TMCC1: variants seen among roughly 807,000 people sequenced by gnomAD.
TMCC1 encodes transmembrane and coiled-coil domains protein 1.
In TMCC1, 15 loss-of-function variants were observed where a neutral mutation model predicts 52.4. That is an observed-to-expected ratio of 0.29 (90% CI 0.19 to 0.44). The LOEUF (loss-of-function observed/expected upper bound fraction) is 0.44, where lower values mean the gene tolerates loss of function less well. TMCC1 is among the 20% of genes least tolerant of loss of function. The pLI is 1.00. For synonymous variants in TMCC1, 279 were observed against 301.9 expected (o/e 0.92, Z 0.79); for missense variants, 503 against 806.0 (o/e 0.62, Z 4.55).
At chr3:129,803,357 A>T (rs1018487922) in intron 4 of TMCC1, among the ~76,000 whole-genome samples, 1 of 152,198 alleles carries the variant, frequency 6.6e-6, no homozygotes, top group Non-Finnish European at 1.5e-5. Flanking sequence ...GGAGGGTAGA[A>T]GGAAAGGAAG....
intron 4 of TMCC1, among the ~76,000 whole-genome samples, chr3:129,726,626 C>G (rs2050106444): frequency 6.6e-6 from 1 of 151,830 alleles, no homozygotes; most frequent in Non-Finnish European, 1.5e-5. Flanking sequence ...CACCTGTAAT[C>G]CCAGCACTTT....
At chr3:129,728,884 GATGCATGTATCAT>G (rs1290912442) in intron 4 of TMCC1, among the ~76,000 whole-genome samples, 29 of 152,290 alleles carry the variant, frequency 1.9e-4, no homozygotes, top group Admixed American at 7.2e-4. Flanking sequence ...CATAAAGGAT[GATGCATGTATCAT>G]AGTTCATTCC....
At chr3:129,834,953 T>C (rs2059088227) in intron 2 of TMCC1, among the ~76,000 whole-genome samples, 1 of 152,240 alleles carries the variant, frequency 6.6e-6, no homozygotes, top group African/African-American at 2.4e-5. Flanking sequence ...TAGCAAATCC[T>C]ATGGGCTCCC....
At chr3:129,672,648 T>G (rs2088053694) in intron 4 of TMCC1, among the ~76,000 whole-genome samples, 1 of 152,116 alleles carries the variant, frequency 6.6e-6, no homozygotes, top group South Asian at 2.1e-4. Context: ...AACAGAGTAA[T>G]GAGTAATGAG....
Position 129,663,676 on chromosome 3 carries a change from C to A in TMCC1, c.1511+6654G>T, listed in dbSNP as rs144159622. 5.8e-3 allele frequency among the ~76,000 whole-genome samples: 890 copies of A among 152,228 alleles called. 22 individuals carry two copies. Among genetic ancestry groups the A allele is most frequent in the Non-Finnish European group, 3.3e-3 (225 of 68,012 alleles). ...ATGAATTATCTTAATGACAAGAAAA[C>A]AGTAAATATCTAAATAATACAGGAA... On this transcript the variant is annotated intron_variant, in intron 5 of 6. Coordinates refer to ENST00000393238, the MANE Select transcript of TMCC1 (RefSeq NM_001017395.5).
intron 4 of TMCC1, among the ~76,000 whole-genome samples, chr3:129,790,296 A>G (rs1288613226): frequency 2.0e-5 from 3 of 152,224 alleles, no homozygotes; most frequent in Non-Finnish European, 4.4e-5. Flanking sequence ...AACAATCTGT[A>G]TGGCATTTAT....
intron 5 of TMCC1, among the ~76,000 whole-genome samples, 174 bp from the exon 6 acceptor site, chr3:129,655,277 T>C (rs2086598002): frequency 1.3e-5 from 2 of 152,336 alleles, no homozygotes; most frequent in Middle Eastern, 3.4e-3. Flanking sequence ...CTGGAAAAGA[T>C]AGCTTGTCTC....
chr3:129,874,513 G>A lies in TMCC1; in HGVS notation c.-184+5796C>T, dbSNP rs548646097. 2.7e-4 allele frequency among the ~76,000 whole-genome samples: 41 copies of A among 152,106 alleles called. No homozygotes were observed. The South Asian group carries it at 8.3e-3, about 31-fold the overall frequency. On this transcript the variant is annotated intron_variant, in intron 2 of 6. Transcript: ENST00000393238. ...GCTTAAGCCCAGGAGTTCAAGATCA[G>A]CGTTGTCAACATAGCAACACCCTAT...
In TMCC1 at chr3:129,697,880, A is replaced by C. The variant is rs141564465; in HGVS notation, c.577-26616T>G. ...CTTTATTGTCCATATCACTATCAGC[A>C]TTTTGGTCAAAGCCATTCAACAAGA... is the stretch of plus-strand genomic sequence containing the variant. On this transcript the variant is annotated intron_variant, in intron 4 of 6. Coordinates refer to ENST00000393238, the MANE Select transcript of TMCC1 (RefSeq NM_001017395.5). Among the ~76,000 whole-genome samples, 1,066 of 152,222 alleles carry C rather than the reference A, an allele frequency of 7.0e-3. 11 individuals are homozygous for C. Among genetic ancestry groups the C allele is most frequent in the African/African-American group, 0.024 (1,017 of 41,536 alleles).
chr3:129,690,827 A>T (rs2108948420), intron 4 of TMCC1, among the ~76,000 whole-genome samples: 1 of 152,334 alleles, frequency 6.6e-6, no homozygotes, highest in East Asian at 1.9e-4. Flanking sequence ...TAATGATTTT[A>T]TCTTTTTGAA....
At chr3:129,763,121 C>A (rs534477605) in intron 4 of TMCC1, among the ~76,000 whole-genome samples, 1 of 150,488 alleles carries the variant, frequency 6.6e-6, no homozygotes, top group Admixed American at 6.6e-5. Flanking sequence ...TGGCGTGAAC[C>A]CGGGAGGCGG....
At chr3:129,863,300 C>T (rs1390402751) in intron 2 of TMCC1, among the ~76,000 whole-genome samples, 2 of 152,098 alleles carry the variant, frequency 1.3e-5, no homozygotes, top group Non-Finnish European at 2.9e-5. Flanking sequence ...CAACAAATTA[C>T]CTTATTATCC....
At position 129,655,151 on chromosome 3, in the gene TMCC1, T is replaced by G. The variant is rs375384716; in HGVS notation, c.1512-48A>C. On this transcript the variant is annotated intron_variant, in intron 5 of 6. Transcript: ENST00000393238. ...GAATTTTATGAATTCTGTGAATATCTTTCCTGGCATTATTTACATCCAACT... is the reference window on the plus strand; with the variant it reads ...GAATTTTATGAATTCTGTGAATATCGTTCCTGGCATTATTTACATCCAACT... 2.8e-5 allele frequency: 45 copies of G among 1,592,662 alleles called. No individual in the cohort carries two copies. In the African/African-American group the frequency reaches 5.7e-4, roughly 20 times the overall value.
chr3:129,750,879 C>T (rs1158253164), intron 4 of TMCC1, among the ~76,000 whole-genome samples: 1 of 148,298 alleles, frequency 6.7e-6, no homozygotes, highest in Non-Finnish European at 1.5e-5. Flanking sequence ...CCAGCCAGAT[C>T]TAAATATTTT....
chr3:129,674,451 C>T (rs1349745207), intron 4 of TMCC1, among the ~76,000 whole-genome samples: 1 of 152,026 alleles, frequency 6.6e-6, no homozygotes, highest in African/African-American at 2.4e-5. Context: ...GAACTCCTCC[C>T]AATTCTAGCA....
At chr3:129,812,336 C>CAAAAAAAAAAAAAAAAAAAAA (rs11387876) in intron 4 of TMCC1, among the ~76,000 whole-genome samples, 1 of 56,016 alleles carries the variant, frequency 1.8e-5, no homozygotes, top group Admixed American at 2.8e-4. Context: ...GACTCTGTCT[C>CAAAAAAAAAAAAAAAAAAAAA]AAAAAAAAAA....
At chr3:129,799,235 A>G (rs1373235384) in intron 4 of TMCC1, among the ~76,000 whole-genome samples, 1 of 152,154 alleles carries the variant, frequency 6.6e-6, no homozygotes, top group Non-Finnish European at 1.5e-5. Flanking sequence ...TTCCTTCTAT[A>G]TTAGCAATGT....
intron 2 of TMCC1, among the ~76,000 whole-genome samples, chr3:129,877,793 TA>T (rs1375726357): frequency 1.3e-5 from 2 of 151,524 alleles, no homozygotes; most frequent in Non-Finnish European, 2.9e-5. Flanking sequence ...CACGCACAAC[TA>T]ATTTTTTGTA....
At chr3:129,687,727 C>A (rs944524914) in intron 4 of TMCC1, among the ~76,000 whole-genome samples, 3 of 152,162 alleles carry the variant, frequency 2.0e-5, no homozygotes, top group African/African-American at 7.2e-5. Context: ...CCCACCAACG[C>A]ACAGCTATGA....
Sources: allele counts gnomAD v4.1 joint callset (sites outside exome capture counted in the v4.1 genomes callset), GRCh38; gene constraint gnomAD v4.1.1; transcripts MANE v1.5; gene names NCBI Gene and HGNC (gene_info 2026-07-23, HGNC 2026-07-21).